The following NUP155 variants were observed in gnomAD, a reference collection of about 807,000 sequenced individuals.
NUP155 encodes nuclear pore complex protein Nup155.
A neutral mutation model predicts 180.4 loss-of-function variants in NUP155; 71 were observed. That is an observed-to-expected ratio of 0.39 (90% CI 0.33 to 0.48). The LOEUF is 0.48. NUP155 is among the 20% of genes least tolerant of loss of function. The pLI, the probability that NUP155 is intolerant of heterozygous loss-of-function variation, is 0.91. For synonymous variants in NUP155, 582 were observed against 559.5 expected (o/e 1.04, Z -0.57); for missense variants, 1,553 against 1,648.9 (o/e 0.94, Z 1.01).
At chr5:37,366,792 C>T (rs1283189315) in intron 1 of NUP155, among the ~76,000 whole-genome samples, 4 of 152,020 alleles carry the variant, frequency 2.6e-5, no homozygotes, top group African/African-American at 9.7e-5. Context: ...GCTGGGACTA[C>T]AGGCGCCTGT....
chr5:37,364,759 C>A (rs1747445258), intron 1 of NUP155, among the ~76,000 whole-genome samples: 1 of 151,772 alleles, frequency 6.6e-6, no homozygotes, highest in Admixed American at 6.6e-5. Context: ...GCCTCAGTCT[C>A]CCAAGTAGCT....
At chr5:37,337,529 A>G (rs1442052466) in intron 12 of NUP155, among the ~76,000 whole-genome samples, 1 of 143,096 alleles carries the variant, frequency 7.0e-6, no homozygotes, top group East Asian at 1.9e-4. Flanking sequence ...ATGTTTTCAG[A>G]AAAAAAAAGA....
chr5:37,317,071 A>G (rs1363025301), intron 21 of NUP155, among the ~76,000 whole-genome samples: 1 of 151,520 alleles, frequency 6.6e-6, no homozygotes, highest in Non-Finnish European at 1.5e-5. Flanking sequence ...CAGAAGGCTG[A>G]GGCAGGAGAA....
At chr5:37,350,098 C>T (rs1017877651) in intron 7 of NUP155, 62 bp downstream of exon 7, 37 of 1,101,330 alleles carry the variant, frequency 3.4e-5, no homozygotes, top group Non-Finnish European at 4.8e-5. Context: ...CTGAAGAAAA[C>T]GTTGAGGGAA....
intron 4 of NUP155, among the ~76,000 whole-genome samples, chr5:37,357,707 T>C (rs1178330968): frequency 6.6e-6 from 1 of 152,112 alleles, no homozygotes; most frequent in African/African-American, 2.4e-5. Flanking sequence ...AAAAAGGGTG[T>C]TGTCAGCCAG....
chr5:37,320,408 C>A (rs775605104), intron 20 of NUP155, among the ~76,000 whole-genome samples: 10 of 152,026 alleles, frequency 6.6e-5, no homozygotes, highest in Admixed American at 6.6e-4. Flanking sequence ...ACCCGGGAGG[C>A]GGAGGTTGCG....
At chr5:37,306,342 A>G (rs1263792560) in intron 25 of NUP155, among the ~76,000 whole-genome samples, 1 of 152,218 alleles carries the variant, frequency 6.6e-6, no homozygotes, top group Non-Finnish European at 1.5e-5. Flanking sequence ...CAAAAGGTCA[A>G]GAGTACAGTG....
intron 13 of NUP155, among the ~76,000 whole-genome samples, chr5:37,332,168 CAAAAAAAAA>C (rs11305356): frequency 5.0e-5 from 5 of 100,142 alleles, no homozygotes; most frequent in Admixed American, 1.1e-4. Context: ...TCAATTTAGG[CAAAAAAAAA>C]AAAAAAAAAA....
Position 37,325,971 on chromosome 5 carries a change from G to GAA in NUP155, c.2025-6_2025-5dup. The GAA allele has an allele frequency of 1.1e-5, 17 of 1,508,994 alleles. No homozygotes were observed. The highest frequency in any genetic ancestry group is 1.2e-5 in the South Asian group (1 of 84,780). 93.5% of individuals were successfully genotyped at this position (1,508,994 alleles called of 1,614,324 possible). A position where few individuals can be genotyped will look rare whatever the true frequency, so the allele number is the denominator to read the frequency against. ...TAAGCTTGCATCCCAAATGTTTCTG[G>GAA]AAAAAAAAAAGTTTTAATGATTGTG... On this transcript the variant is annotated splice_region_variant and splice_polypyrimidine_tract_variant and intron_variant, in intron 18 of 34. Transcript: ENST00000231498.
At chr5:37,366,462 C>T (rs1006952978) in intron 1 of NUP155, among the ~76,000 whole-genome samples, 3 of 152,038 alleles carry the variant, frequency 2.0e-5, no homozygotes, top group South Asian at 2.1e-4. Flanking sequence ...TTTTTTGAGA[C>T]GGAGTCTCGC....
Position 37,371,102 on chromosome 5 carries a change from T to C in NUP155, c.-125A>G. The C allele has an allele frequency of 1.1e-6, 1 of 904,090 alleles. No homozygotes were observed. The highest frequency in any genetic ancestry group is 1.7e-6 in the Non-Finnish European group (1 of 577,062). 56.0% of individuals were successfully genotyped at this position (904,090 alleles called of 1,614,324 possible). A position where few individuals can be genotyped will look rare whatever the true frequency, so the allele number is the denominator to read the frequency against. On this transcript the variant is annotated 5_prime_UTR_variant, in exon 1 of 35. Coordinates refer to ENST00000231498, the MANE Select transcript of NUP155 (RefSeq NM_153485.3). ...CGCGCCAAACGAGCGCCTTGGCGCC[T>C]CGACATGACGCACTTCCGCTTCATC...
At chr5:37,329,140 C>T (rs779725800) in intron 16 of NUP155, 50 bp downstream of exon 16, 5 of 1,385,106 alleles carry the variant, frequency 3.6e-6, no homozygotes, top group Non-Finnish European at 5.1e-6. Flanking sequence ...TATAAAGGTT[C>T]TAAGATTCAA....
intron 1 of NUP155, 68 bp downstream of exon 1, chr5:37,370,753 A>C (rs1212089473): frequency 1.5e-5 from 24 of 1,613,146 alleles, no homozygotes; most frequent in Non-Finnish European, 1.9e-5. Context: ...AACGCTGGGG[A>C]TAAGTAGCAA....
chr5:37,305,303 G>A (rs1171717236), intron 25 of NUP155, 93 bp from the exon 26 acceptor site: 4 of 1,118,674 alleles, frequency 3.6e-6, no homozygotes, highest in Non-Finnish European at 5.4e-6. Context: ...GCCAGCCATA[G>A]GGAAGTCAAG....
At position 37,291,797 on chromosome 5, in the gene NUP155, T is replaced by C. The variant is rs769544033; in HGVS notation, c.*103A>G. Reference sequence around the variant, plus strand: ...GCCACTTATTAAAAACATATTTCTATTAAGATTGTTCTTACATTCTTAGAT... The same window carrying C: ...GCCACTTATTAAAAACATATTTCTACTAAGATTGTTCTTACATTCTTAGAT... On this transcript the variant is annotated 3_prime_UTR_variant, in exon 35 of 35. Coordinates refer to ENST00000231498, the MANE Select transcript of NUP155 (RefSeq NM_153485.3). 5.7e-6 allele frequency: 6 copies of C among 1,047,038 alleles called. No homozygotes were observed. The highest frequency in any genetic ancestry group is 8.8e-6 in the Non-Finnish European group (6 of 679,976). 64.9% of individuals were successfully genotyped at this position (1,047,038 alleles called of 1,614,324 possible).
intron 20 of NUP155, among the ~76,000 whole-genome samples, chr5:37,318,841 CAA>C (rs1561781088): frequency 1.3e-5 from 2 of 151,826 alleles, no homozygotes; most frequent in Non-Finnish European, 2.9e-5. Context: ...GAAAAAAACA[CAA>C]AAAAATTTCA....
chr5:37,296,449 G>A (rs902249286), intron 32 of NUP155, among the ~76,000 whole-genome samples: 2 of 151,988 alleles, frequency 1.3e-5, no homozygotes, highest in Admixed American at 1.3e-4. Context: ...GGTGCAAGAT[G>A]TGCTTTGTTA....
intron 12 of NUP155, among the ~76,000 whole-genome samples, chr5:37,336,088 T>C (rs983341709): frequency 6.6e-6 from 1 of 152,188 alleles, no homozygotes; most frequent in Non-Finnish European, 1.5e-5. Context: ...GCTCATACAC[T>C]ATACTTGATG....
In NUP155 at chr5:37,371,080, G is replaced by T; in HGVS notation, c.-103C>A. On this transcript the variant is annotated 5_prime_UTR_variant, in exon 1 of 35. Coordinates refer to ENST00000231498, the MANE Select transcript of NUP155 (RefSeq NM_153485.3). Reference sequence around the variant, plus strand: ...TAGATCCGCCGCCTAGGGCGCGCGCGCCAAACGAGCGCCTTGGCGCCTCGA... The same window carrying T: ...TAGATCCGCCGCCTAGGGCGCGCGCTCCAAACGAGCGCCTTGGCGCCTCGA... 1 of 1,220,634 alleles carries T rather than the reference G, an allele frequency of 8.2e-7. No individual in the cohort carries two copies. The highest frequency in any genetic ancestry group is 1.2e-6 in the Non-Finnish European group (1 of 856,230). 75.6% of individuals were successfully genotyped at this position (1,220,634 alleles called of 1,614,324 possible).
Sources: allele counts gnomAD v4.1 joint callset (sites outside exome capture counted in the v4.1 genomes callset), GRCh38; gene constraint gnomAD v4.1.1; transcripts MANE v1.5; gene names NCBI Gene and HGNC (gene_info 2026-07-23, HGNC 2026-07-21).